The following STK39 variants were observed in gnomAD, a reference collection of about 807,000 sequenced individuals.
The protein encoded by STK39 is STE20/SPS1-related proline-alanine-rich protein kinase.
In STK39, 20 loss-of-function variants were observed where a neutral mutation model predicts 77.8. The ratio of observed to expected loss-of-function variants is 0.26; its 90% CI spans 0.18 to 0.37. The LOEUF (loss-of-function observed/expected upper bound fraction) is 0.37, where lower values mean the gene tolerates loss of function less well. Ranked by LOEUF, STK39 falls within the 10% of genes least tolerant of loss-of-function variation. STK39 has a pLI of 1.00. For missense variants in STK39, 479 were observed against 656.5 expected (o/e 0.73, Z 2.95); for synonymous variants, 246 against 234.1 (o/e 1.05, Z -0.47).
At chr2:168,190,959 C>T (rs1689324743) in intron 1 of STK39, among the ~76,000 whole-genome samples, 1 of 152,226 alleles carries the variant, frequency 6.6e-6, no homozygotes, top group African/African-American at 2.4e-5. Flanking sequence ...GCTATTCACA[C>T]AGATAAACGG....
chr2:168,205,370 T>G (rs747785269), intron 1 of STK39, among the ~76,000 whole-genome samples: 9 of 152,252 alleles, frequency 5.9e-5, no homozygotes, highest in Non-Finnish European at 1.2e-4. Context: ...ACTTTTACTT[T>G]CTTCTTTGTC....
chr2:168,187,056 A>C (rs1036718131), intron 1 of STK39, among the ~76,000 whole-genome samples: 1 of 152,214 alleles, frequency 6.6e-6, no homozygotes, highest in African/African-American at 2.4e-5. Flanking sequence ...ATCTAACCTT[A>C]AAAAGTTATT....
intron 1 of STK39, among the ~76,000 whole-genome samples, chr2:168,197,103 TG>T (rs1689490117): frequency 6.6e-6 from 1 of 152,174 alleles, no homozygotes; most frequent in East Asian, 1.9e-4. Flanking sequence ...AGGTACAGCC[TG>T]GTTGGTTAGG....
intron 1 of STK39, among the ~76,000 whole-genome samples, chr2:168,196,165 C>T (rs1689464418): frequency 6.6e-6 from 1 of 152,174 alleles, no homozygotes; most frequent in South Asian, 2.1e-4. Context: ...TTGCAAAGAA[C>T]CTCAATTTAT....
intron 14 of STK39, among the ~76,000 whole-genome samples, chr2:168,052,706 G>C (rs1401405279): frequency 1.3e-5 from 2 of 152,216 alleles, no homozygotes; most frequent in Non-Finnish European, 2.9e-5. Flanking sequence ...TCCTCCAACT[G>C]TTAGGTCCAA....
intron 16 of STK39, among the ~76,000 whole-genome samples, chr2:167,998,740 T>G (rs1683916450): frequency 6.6e-6 from 1 of 152,198 alleles, no homozygotes; most frequent in Non-Finnish European, 1.5e-5. Flanking sequence ...CCCCAAACAT[T>G]AAATTACAAA....
At chr2:168,224,963 C>T (rs1283604212) in intron 1 of STK39, among the ~76,000 whole-genome samples, 3 of 152,292 alleles carry the variant, frequency 2.0e-5, no homozygotes, top group African/African-American at 7.2e-5. Context: ...GAACATGGTT[C>T]TCATTTTAAA....
At chr2:167,964,851 T>A (rs1160147181) in intron 16 of STK39, 125 bp from the exon 17 acceptor site, 1 of 761,152 alleles carries the variant, frequency 1.3e-6, no homozygotes, top group African/African-American at 1.8e-5. Context: ...TTCATAAACA[T>A]TGCAAAGTCC....
chr2:167,981,122 T>G (rs916829595), intron 16 of STK39, among the ~76,000 whole-genome samples: 2 of 152,170 alleles, frequency 1.3e-5, no homozygotes, highest in African/African-American at 2.4e-5. Flanking sequence ...GAAAATCACC[T>G]TATTTGTGCC....
chr2:168,131,265 T>C (rs1687689468), intron 8 of STK39, among the ~76,000 whole-genome samples: 1 of 152,220 alleles, frequency 6.6e-6, no homozygotes. Context: ...ATCTTTTCCA[T>C]ATGTTTTAAA....
intron 1 of STK39, among the ~76,000 whole-genome samples, chr2:168,225,645 C>G (rs1402224539): frequency 3.3e-5 from 5 of 152,118 alleles, no homozygotes; most frequent in Admixed American, 6.5e-5. Flanking sequence ...TTTATTGACT[C>G]AAAACAATAA....
intron 1 of STK39, among the ~76,000 whole-genome samples, chr2:168,191,666 C>A (rs1304903927): frequency 6.6e-6 from 1 of 152,188 alleles, no homozygotes; most frequent in Non-Finnish European, 1.5e-5. Context: ...GATTTGAGAA[C>A]CATGGTTCCC....
intron 17 of STK39, among the ~76,000 whole-genome samples, chr2:167,961,334 A>C (rs1453048463): frequency 6.6e-6 from 1 of 152,240 alleles, no homozygotes; most frequent in Non-Finnish European, 1.5e-5. Context: ...ATTAAACTTC[A>C]GTAACTAAAG....
chr2:168,090,175 A>G (rs1467515574), intron 10 of STK39, among the ~76,000 whole-genome samples: 1 of 152,214 alleles, frequency 6.6e-6, no homozygotes, highest in Non-Finnish European at 1.5e-5. Flanking sequence ...GTTCTAGCAT[A>G]TAAGAAAATT....
chr2:168,041,248 G>A lies in STK39; in HGVS notation c.1376+22252C>T, dbSNP rs1685097738. Among the ~76,000 whole-genome samples the A allele has an allele frequency of 2.7e-5, 4 of 150,806 alleles. No homozygotes were observed. In the South Asian group the frequency reaches 8.4e-4, roughly 32 times the overall value. On this transcript the variant is annotated intron_variant, in intron 14 of 17. Transcript: ENST00000355999. The stretch of plus-strand genomic sequence containing the variant: ...TTCCAACTCCTAAAGTCCAACTCTT[G>A]GAGAGGTATTAATAATATTATTCTA...
intron 10 of STK39, among the ~76,000 whole-genome samples, chr2:168,102,371 T>C (rs928712132): frequency 6.6e-6 from 1 of 152,212 alleles, no homozygotes; most frequent in Non-Finnish European, 1.5e-5. Context: ...AGTATCCTGT[T>C]GTGATTTTCA....
chr2:168,215,032 C>G (rs1224923310), intron 1 of STK39, among the ~76,000 whole-genome samples: 1 of 152,168 alleles, frequency 6.6e-6, no homozygotes, highest in Non-Finnish European at 1.5e-5. Context: ...GTACCATGAT[C>G]CATGTGTTTT....
In STK39 at chr2:168,136,196, G is replaced by A. The variant is rs550870222; in HGVS notation, c.974+1892C>T. 6.6e-5 allele frequency among the ~76,000 whole-genome samples: 10 copies of A among 151,618 alleles called. No homozygotes were observed. The South Asian group carries it at 1.2e-3, about 19-fold the overall frequency. ...ATCTTGGCCAACAGAGTGAAACCCC[G>A]TCTCTACTAAAATACAAAAAAAATT... On this transcript the variant is annotated intron_variant, in intron 8 of 17. Coordinates refer to ENST00000355999, the MANE Select transcript of STK39 (RefSeq NM_013233.3).
chr2:168,227,127 C>T (rs1331168601), intron 1 of STK39, among the ~76,000 whole-genome samples: 1 of 152,086 alleles, frequency 6.6e-6, no homozygotes, highest in African/African-American at 2.4e-5. Context: ...TTACAGATTG[C>T]AGAACAATAC....
Sources: allele counts gnomAD v4.1 joint callset (sites outside exome capture counted in the v4.1 genomes callset), GRCh38; gene constraint gnomAD v4.1.1; transcripts MANE v1.5; gene names NCBI Gene and HGNC (gene_info 2026-07-23, HGNC 2026-07-21).